The following OLFM3 variants were observed in gnomAD, a reference collection of about 807,000 sequenced individuals.
OLFM3 encodes the protein olfactomedin 3, also known as noelin-3.
In OLFM3, 20 loss-of-function variants were observed where a neutral mutation model predicts 48.6. The ratio of observed to expected loss-of-function variants is 0.41; its 90% CI spans 0.29 to 0.60. The LOEUF is 0.60. OLFM3 is among the 20% of genes least tolerant of loss of function. The pLI is 0.28. For missense variants in OLFM3, 437 were observed against 544.3 expected, an observed-to-expected ratio of 0.80 and a Z score of 1.96; for synonymous variants, 222 against 198.1, an observed-to-expected ratio of 1.12 and a Z score of -1.01.
chr1:101,937,618 C>A (rs866587697), intron 1 of OLFM3, among the ~76,000 whole-genome samples: 4 of 152,172 alleles, frequency 2.6e-5, no homozygotes, highest in Admixed American at 2.0e-4. Flanking sequence ...TCCTCCTTGC[C>A]TTCTGCCATG....
intron 1 of OLFM3, among the ~76,000 whole-genome samples, chr1:101,853,545 G>A (rs1656302094): frequency 6.6e-6 from 1 of 151,992 alleles, no homozygotes; most frequent in African/African-American, 2.4e-5. Context: ...ATGATTCCTG[G>A]TTTCTTTACT....
chr1:101,952,482 A>G (rs1245053153), intron 1 of OLFM3, among the ~76,000 whole-genome samples: 1 of 152,120 alleles, frequency 6.6e-6, no homozygotes, highest in Non-Finnish European at 1.5e-5. Context: ...AATCAATGCT[A>G]GTAAATAGAT....
At chr1:101,925,598 A>G (rs868820761) in intron 1 of OLFM3, among the ~76,000 whole-genome samples, 4 of 152,210 alleles carry the variant, frequency 2.6e-5, no homozygotes, top group African/African-American at 4.8e-5. Context: ...AGCTCACTGT[A>G]ACTTTGAGCT....
At chr1:101,990,989 T>TAAAAAAAAAA (rs58481588) in intron 1 of OLFM3, among the ~76,000 whole-genome samples, 26 of 8,904 alleles carry the variant, frequency 2.9e-3, no homozygotes, top group Admixed American at 8.3e-3. Context: ...TGTCAAAAAG[T>TAAAAAAAAAA]AAAAAAAAAA....
At chr1:101,837,913 C>T (rs1215064572) in intron 1 of OLFM3, 3 of 152,126 alleles carry the variant, frequency 2.0e-5, no homozygotes, top group Admixed American at 6.5e-5. Context: ...TGTGAAGAAA[C>T]TGTCTGTACT....
chr1:101,849,079 G>A (rs762978499), intron 1 of OLFM3, among the ~76,000 whole-genome samples: 31 of 152,136 alleles, frequency 2.0e-4, no homozygotes, highest in Non-Finnish European at 2.8e-4. Flanking sequence ...GTAGAACAAT[G>A]GTAAAAGTTT....
chr1:101,909,320 C>T (rs1658666795), intron 1 of OLFM3, among the ~76,000 whole-genome samples: 1 of 152,368 alleles, frequency 6.6e-6, no homozygotes, highest in Admixed American at 6.5e-5. Context: ...GAGACATTCA[C>T]ATGAGCAAAA....
chr1:101,830,007 T>G (rs1557692491), intron 3 of OLFM3, among the ~76,000 whole-genome samples: 2 of 151,894 alleles, frequency 1.3e-5, no homozygotes, highest in Non-Finnish European at 2.9e-5. Context: ...GCTAATTTTT[T>G]TTTTGTATTT....
intron 3 of OLFM3, among the ~76,000 whole-genome samples, chr1:101,827,472 A>G (rs1385699090): frequency 6.6e-6 from 1 of 152,116 alleles, no homozygotes; most frequent in Non-Finnish European, 1.5e-5. Flanking sequence ...AGCGCCTGCC[A>G]CCACACGCAG....
chr1:101,977,942 A>G (rs959572180), intron 1 of OLFM3, among the ~76,000 whole-genome samples: 7 of 152,160 alleles, frequency 4.6e-5, no homozygotes, highest in Non-Finnish European at 1.0e-4. Context: ...CATAACATAT[A>G]CTGGAATCAT....
intron 1 of OLFM3, among the ~76,000 whole-genome samples, chr1:101,891,256 A>T (rs1351833875): frequency 6.6e-6 from 1 of 151,996 alleles, no homozygotes. Flanking sequence ...TTAGTATAAA[A>T]AATAAACAGT....
chr1:101,981,317 G>A (rs1661099034), intron 1 of OLFM3, among the ~76,000 whole-genome samples: 1 of 151,526 alleles, frequency 6.6e-6, no homozygotes, highest in Admixed American at 6.6e-5. Context: ...CATATACTTT[G>A]TCTTCCCACC....
chr1:101,828,080 C>T (rs1030315642), intron 3 of OLFM3, among the ~76,000 whole-genome samples: 1 of 149,312 alleles, frequency 6.7e-6, no homozygotes, highest in Non-Finnish European at 1.5e-5. Context: ...CTCTCTCTCT[C>T]CTCCTGCCTT....
intron 1 of OLFM3, among the ~76,000 whole-genome samples, chr1:101,860,870 T>A (rs1656624798): frequency 6.6e-6 from 1 of 151,982 alleles, no homozygotes. Context: ...AACTCAGGGT[T>A]GTCAAGAGGC....
At chr1:101,882,674 G>A (rs1232842674) in intron 1 of OLFM3, 1 of 151,670 alleles carries the variant, frequency 6.6e-6, no homozygotes, top group African/African-American at 2.4e-5. Context: ...CTTCATTTTG[G>A]TGCAGAAGAC....
At chr1:101,882,767 T>C (rs1657588144) in intron 1 of OLFM3, 1 of 151,804 alleles carries the variant, frequency 6.6e-6, no homozygotes, top group African/African-American at 2.4e-5. Context: ...CTATGAAGAT[T>C]TGACCAACCT....
intron 1 of OLFM3, among the ~76,000 whole-genome samples, chr1:101,987,833 T>C (rs894383097): frequency 1.3e-5 from 2 of 152,124 alleles, no homozygotes; most frequent in African/African-American, 4.8e-5. Context: ...TAGATGTCTG[T>C]TTATTTGTAA....
chr1:101,958,588 C>T (rs1023621282), intron 1 of OLFM3, among the ~76,000 whole-genome samples: 5 of 152,012 alleles, frequency 3.3e-5, no homozygotes, highest in African/African-American at 1.2e-4. Context: ...TTTTTATCAT[C>T]TTAATTTTAG....
intron 1 of OLFM3, among the ~76,000 whole-genome samples, chr1:101,977,136 C>A (rs1460429046): frequency 4.6e-5 from 7 of 152,110 alleles, no homozygotes; most frequent in South Asian, 2.1e-4. Flanking sequence ...GAATTAACAT[C>A]TTTTATTAAA....
Sources: gnomAD v4.1 joint callset for allele counts (sites outside exome capture counted in the v4.1 genomes callset) on GRCh38, gnomAD v4.1.1 for gene constraint, MANE v1.5 for transcripts, NCBI Gene and HGNC (gene_info 2026-07-23, HGNC 2026-07-21) for gene names.